PWWP2A: variants seen among roughly 807,000 people sequenced by gnomAD.
PWWP2A encodes the protein PWWP domain-containing protein 2A.
PWWP2A carries 18 observed loss-of-function variants against 48.5 expected under a neutral mutation model. The ratio of observed to expected loss-of-function variants is 0.37; its 90% CI spans 0.26 to 0.55. The LOEUF (loss-of-function observed/expected upper bound fraction) is 0.55, where lower values mean the gene tolerates loss of function less well. PWWP2A is among the 20% of genes least tolerant of loss of function. The pLI, the probability that PWWP2A is intolerant of heterozygous loss-of-function variation, is 0.81. For synonymous variants in PWWP2A, 396 were observed against 387.7 expected (o/e 1.02, Z -0.25); for missense variants, 867 against 976.4 (o/e 0.89, Z 1.49).
chr5:160,108,663 A>G (rs1294912811), intron 1 of PWWP2A: 2 of 1,068,668 alleles, frequency 1.9e-6, no homozygotes, highest in East Asian at 1.2e-4. Flanking sequence ...CTCAAAAAAC[A>G]CGTAAATTTT....
At chr5:160,045,480 A>T in the PWWP2A span, among the ~76,000 whole-genome samples, 1 of 109,434 alleles carries the variant, frequency 9.1e-6, no homozygotes, top group East Asian at 3.1e-4. Flanking sequence ...ACACACACAC[A>T]CACACACACA....
chr5:160,105,613 T>C (rs1042111200), intron 1 of PWWP2A: 44 of 832,210 alleles, frequency 5.3e-5, no homozygotes, highest in Non-Finnish European at 6.1e-5. Flanking sequence ...AAGGGGACTA[T>C]AGGGACAAAA....
chr5:160,090,478 G>T (rs1046512968), downstream of PWWP2A: 23 of 981,936 alleles, frequency 2.3e-5, no homozygotes, highest in African/African-American at 3.5e-4. Flanking sequence ...GAATTTCAAA[G>T]AATTTTTTTT....
the PWWP2A span, among the ~76,000 whole-genome samples, chr5:160,048,932 C>CA: frequency 7.1e-6 from 1 of 140,974 alleles, no homozygotes; most frequent in South Asian, 2.4e-4. Flanking sequence ...GCCTGGGTGA[C>CA]AGAGCGAGAC....
At chr5:160,116,953 G>A (rs1264341642) in intron 1 of PWWP2A, 2 of 159,492 alleles carry the variant, frequency 1.3e-5, no homozygotes, top group Non-Finnish European at 2.7e-5. Context: ...TTAGCCAGGC[G>A]TGGTGGCACA....
chr5:160,092,556 A>C lies in PWWP2A; in HGVS notation c.2094T>G (p.Ser698=). 1 of 1,551,666 alleles carries C rather than the reference A, an allele frequency of 6.4e-7. No individual in the cohort carries two copies. Residue 698 remains serine, a synonymous_variant, in exon 2 of 2, where the codon TCT becomes TCG. Transcript: ENST00000307063. ...AAAGAGCAAGGAAAGATGTTGTTGG[A>C]GACCCAAACCATGAAATACGGGCCT... is the stretch of plus-strand genomic sequence containing the variant. ...RQEARISWFG[S]PTTSFLALSQ...
chr5:160,075,962 GA>G (rs1753866945), exon 4 of PWWP2A: 1 of 152,024 alleles, frequency 6.6e-6, no homozygotes, highest in African/African-American at 2.4e-5. Context: ...TACTTAAGAT[GA>G]GAAACAATTT....
intron 1 of PWWP2A, chr5:160,117,836 C>T (rs1386549178): frequency 1.0e-5 from 10 of 973,914 alleles, no homozygotes; most frequent in Non-Finnish European, 1.2e-5. Context: ...TACTAATAAG[C>T]CATTGCAAAC....
chr5:160,051,891 C>A, the PWWP2A span, among the ~76,000 whole-genome samples: 1 of 152,194 alleles, frequency 6.6e-6, no homozygotes, highest in Non-Finnish European at 1.5e-5. Context: ...TTTTCTAAAT[C>A]TGTTGTTTGA....
At chr5:160,073,387 C>G (rs1467471752), downstream of PWWP2A, among the ~76,000 whole-genome samples, 1 of 151,906 alleles carries the variant, frequency 6.6e-6, no homozygotes, top group Non-Finnish European at 1.5e-5. Context: ...CACCACCACG[C>G]CCGGCTAATT....
chr5:160,115,336 G>A (rs1017493324), intron 1 of PWWP2A, among the ~76,000 whole-genome samples: 1 of 151,732 alleles, frequency 6.6e-6, no homozygotes, highest in African/African-American at 2.4e-5. Context: ...TCAGAGGATC[G>A]CTTGAGCCCA....
intron 1 of PWWP2A, among the ~76,000 whole-genome samples, chr5:160,096,895 T>C (rs551508467): frequency 6.6e-6 from 1 of 152,330 alleles, no homozygotes; most frequent in East Asian, 1.9e-4. Context: ...TCTAAACTCA[T>C]TTTTGCATGT....
chr5:160,046,059 A>G, the PWWP2A span, among the ~76,000 whole-genome samples: 44 of 152,252 alleles, frequency 2.9e-4, no homozygotes, highest in African/African-American at 1.0e-3. Context: ...GGGTTCTTTC[A>G]GAAAACCTTC....
chr5:160,108,395 C>T, intron 1 of PWWP2A: 1 of 394,772 alleles, frequency 2.5e-6, no homozygotes, highest in South Asian at 2.0e-5. Context: ...CTGTGTAAAG[C>T]CTTTATTGAC....
the PWWP2A span, among the ~76,000 whole-genome samples, chr5:160,046,903 T>C: frequency 1.3e-5 from 2 of 151,994 alleles, no homozygotes. Context: ...TCCCAGCTAC[T>C]CAGGAGGCTG....
chr5:160,096,260 G>C (rs948135922), intron 1 of PWWP2A, among the ~76,000 whole-genome samples: 1 of 151,998 alleles, frequency 6.6e-6, no homozygotes, highest in African/African-American at 2.4e-5. Context: ...TTAGGTCTCG[G>C]ATAGTCCAAA....
At chr5:160,062,640 G>A (rs141782256) in intron 5 of PWWP2A, among the ~76,000 whole-genome samples, 61 of 152,200 alleles carry the variant, frequency 4.0e-4, no homozygotes, top group African/African-American at 1.0e-3. Context: ...CCATGTAATG[G>A]CCCTGGGCTC....
chr5:160,046,735 C>T, the PWWP2A span, among the ~76,000 whole-genome samples: 1 of 151,994 alleles, frequency 6.6e-6, no homozygotes, highest in East Asian at 1.9e-4. Context: ...AGCAACAGGC[C>T]GGGCACAGTG....
At chr5:160,080,251 TAAG>T (rs934298887) in intron 3 of PWWP2A, among the ~76,000 whole-genome samples, 4 of 152,126 alleles carry the variant, frequency 2.6e-5, no homozygotes, top group African/African-American at 7.2e-5. Flanking sequence ...AAGTAATGAC[TAAG>T]AAGTTTAATG....
Sources: gnomAD v4.1 joint callset for allele counts (sites outside exome capture counted in the v4.1 genomes callset) on GRCh38, gnomAD v4.1.1 for gene constraint, MANE v1.5 for transcripts, NCBI Gene and HGNC (gene_info 2026-07-23, HGNC 2026-07-21) for gene names.